The following SORCS2 variants were observed in gnomAD, a reference collection of about 807,000 sequenced individuals.
SORCS2 encodes sortilin related VPS10 domain containing receptor 2.
In SORCS2, 100 loss-of-function variants were observed where a neutral mutation model predicts 141.6. That is an observed-to-expected ratio of 0.71 (90% CI 0.60 to 0.83). The LOEUF (loss-of-function observed/expected upper bound fraction) is 0.83. SORCS2 is among the 40% of genes least tolerant of loss of function. The pLI, the probability that SORCS2 is intolerant of heterozygous loss-of-function variation, is 0.00. For missense variants in SORCS2, 1,646 were observed against 1,560.2 expected, an observed-to-expected ratio of 1.05 and a Z score of -0.93; for synonymous variants, 789 against 676.9, an observed-to-expected ratio of 1.17 and a Z score of -2.57.
chr4:7,565,516 G>C (rs964760711), intron 3 of SORCS2, among the ~76,000 whole-genome samples: 1 of 152,166 alleles, frequency 6.6e-6, no homozygotes. Context: ...TAAAGATGAT[G>C]ATTATGATAA....
At chr4:7,302,190 G>A (rs898298420) in intron 1 of SORCS2, among the ~76,000 whole-genome samples, 5 of 152,242 alleles carry the variant, frequency 3.3e-5, no homozygotes, top group Non-Finnish European at 7.3e-5. Flanking sequence ...TCACAGGCAG[G>A]CACCATCTTG....
intron 1 of SORCS2, among the ~76,000 whole-genome samples, chr4:7,333,785 G>A (rs1719810045): frequency 6.6e-6 from 1 of 152,228 alleles, no homozygotes; most frequent in Admixed American, 6.5e-5. Flanking sequence ...GTTGTATCTT[G>A]TGGTCAGTGC....
At chr4:7,325,904 G>T (rs1719225538) in intron 1 of SORCS2, among the ~76,000 whole-genome samples, 1 of 152,178 alleles carries the variant, frequency 6.6e-6, no homozygotes, top group African/African-American at 2.4e-5. Flanking sequence ...GCGGGGCGGA[G>T]TTGGGGGGTT....
intron 2 of SORCS2, among the ~76,000 whole-genome samples, chr4:7,440,882 C>T (rs554437945): frequency 1.9e-4 from 29 of 152,258 alleles, no homozygotes; most frequent in African/African-American, 6.7e-4. Context: ...CTGCTGGGTA[C>T]TAGGGGCTCA....
chr4:7,543,855 T>TCCATCCAC, intron 3 of SORCS2, among the ~76,000 whole-genome samples: 5 of 86,484 alleles, frequency 5.8e-5, no homozygotes, highest in Non-Finnish European at 9.8e-5. Context: ...CATCCGTCCA[T>TCCATCCAC]CCATCCACCC....
Position 7,543,975 on chromosome 4 carries a change from C to CCAT in SORCS2, c.648+12347_648+12348insATC, listed in dbSNP as rs1560373940. 3.2e-4 allele frequency among the ~76,000 whole-genome samples: 12 copies of CCAT among 37,534 alleles called. No individual in the cohort carries two copies. In the South Asian group the frequency reaches 0.013, roughly 40 times the overall value. 24.6% of individuals were successfully genotyped at this position (37,534 alleles called of 152,430 possible). On this transcript the variant is annotated intron_variant, in intron 3 of 26. Coordinates refer to ENST00000507866, the MANE Select transcript of SORCS2 (RefSeq NM_020777.3). ...ATCCATCCATCCATCCATCCATCCA[C>CCAT]CCATCCGTCCATCCATCCACTCATC...
intron 4 of SORCS2, among the ~76,000 whole-genome samples, chr4:7,649,880 C>T (rs77357512): frequency 5.9e-5 from 9 of 152,180 alleles, no homozygotes; most frequent in African/African-American, 1.7e-4. Flanking sequence ...AGGTGGTGCC[C>T]GTGACAAGGA....
intron 1 of SORCS2, among the ~76,000 whole-genome samples, chr4:7,384,198 C>T (rs3905842): frequency 0.97 from 146,816 of 152,076 alleles, 70,944 homozygotes; most frequent in East Asian, 1. Context: ...GCCCTCCTTG[C>T]GTGAGTGGCA....
chr4:7,533,617 C>T (rs1480268983), intron 3 of SORCS2, among the ~76,000 whole-genome samples: 1 of 152,216 alleles, frequency 6.6e-6, no homozygotes, highest in Admixed American at 6.5e-5. Flanking sequence ...AGGGTCAGCC[C>T]TGCAGGCCAC....
At chr4:7,510,412 G>T (rs753051949) in intron 2 of SORCS2, among the ~76,000 whole-genome samples, 1 of 152,346 alleles carries the variant, frequency 6.6e-6, no homozygotes, top group East Asian at 1.9e-4. Flanking sequence ...GGCCGTCAGG[G>T]AAGGGCACTC....
rs569018798 is a variant in SORCS2, at chr4:7,394,515, G to C, written c.481-1773G>C. ...TCAGCAGGAATTCACCGAGGAAATAGGGCTGGGGGATTTGGGGAAGAGCAT... is the reference window on the plus strand; with the variant it reads ...TCAGCAGGAATTCACCGAGGAAATACGGCTGGGGGATTTGGGGAAGAGCAT... On this transcript the variant is annotated intron_variant, in intron 1 of 26. Coordinates refer to ENST00000507866, the MANE Select transcript of SORCS2 (RefSeq NM_020777.3). Among the ~76,000 whole-genome samples the C allele has an allele frequency of 4.5e-4, 67 of 150,430 alleles. 1 individual carries two copies. Among genetic ancestry groups the C allele is most frequent in the African/African-American group, 1.5e-3 (61 of 40,858 alleles).
chr4:7,737,926 G>C (rs73204737), intron 26 of SORCS2, among the ~76,000 whole-genome samples: 1 of 152,128 alleles, frequency 6.6e-6, no homozygotes, highest in African/African-American at 2.4e-5. Flanking sequence ...CTGGACCATC[G>C]ACCGGGACAC....
intron 14 of SORCS2, among the ~76,000 whole-genome samples, chr4:7,706,503 C>T (rs1372768654): frequency 2.4e-4 from 26 of 107,642 alleles, no homozygotes; most frequent in Admixed American, 3.9e-4. Context: ...CTGGGCTCCG[C>T]CTGGGCAGGG....
chr4:7,349,189 G>A (rs536092415), intron 1 of SORCS2, among the ~76,000 whole-genome samples: 1 of 152,260 alleles, frequency 6.6e-6, no homozygotes, highest in South Asian at 2.1e-4. Context: ...GGGGACCAGG[G>A]GCAGCATGGC....
In SORCS2 at chr4:7,433,790, G is replaced by A. The variant is rs772124856; in HGVS notation, c.548+37435G>A. On this transcript the variant is annotated intron_variant, in intron 2 of 26. Transcript: ENST00000507866. ...GCCCGCCTCCGGTTGCCACACAGAC[G>A]GATGAACTTGCACACCTTCTCTGGG... is the stretch of plus-strand genomic sequence containing the variant. 5.0e-6 allele frequency: 8 copies of A among 1,613,548 alleles called. No individual in the cohort carries two copies. The East Asian group carries it at 8.9e-5, about 18-fold the overall frequency.
intron 1 of SORCS2, among the ~76,000 whole-genome samples, chr4:7,215,581 C>T (rs1181383109): frequency 5.9e-5 from 9 of 152,388 alleles, no homozygotes. Flanking sequence ...TGGGTGAAGC[C>T]AGCTGGGCTC....
chr4:7,389,543 T>C (rs1723724594), intron 1 of SORCS2, among the ~76,000 whole-genome samples: 1 of 152,298 alleles, frequency 6.6e-6, no homozygotes, highest in East Asian at 1.9e-4. Flanking sequence ...CTGCTGCTGA[T>C]GAATTCACTC....
intron 3 of SORCS2, among the ~76,000 whole-genome samples, chr4:7,631,714 T>C (rs1449994449): frequency 6.6e-6 from 1 of 151,850 alleles, no homozygotes; most frequent in Non-Finnish European, 1.5e-5. Flanking sequence ...ACTGAATGAG[T>C]CAGTCAGTCC....
rs879300763 is a variant in SORCS2, at chr4:7,724,316, G to A, written c.2611+433G>A. Among the ~76,000 whole-genome samples the A allele has an allele frequency of 7.8e-3, 1,044 of 134,366 alleles. 9 individuals carry two copies. Among genetic ancestry groups the A allele is most frequent in the Non-Finnish European group, 0.011 (706 of 64,282 alleles). 88.1% of individuals were successfully genotyped at this position (134,366 alleles called of 152,430 possible). ...GATAATGGTGACAATGGTGGTGGTGGTGGTGGTGATAGGGTGATGGTGATG... is the reference window on the plus strand; with the variant it reads ...GATAATGGTGACAATGGTGGTGGTGATGGTGGTGATAGGGTGATGGTGATG... On this transcript the variant is annotated intron_variant, in intron 19 of 26. Transcript: ENST00000507866.
Sources: gnomAD v4.1 joint callset for allele counts (sites outside exome capture counted in the v4.1 genomes callset) on GRCh38, gnomAD v4.1.1 for gene constraint, MANE v1.5 for transcripts, NCBI Gene and HGNC (gene_info 2026-07-23, HGNC 2026-07-21) for gene names.